The following TPTE2 variants were observed in gnomAD, a reference collection of about 807,000 sequenced individuals.
The protein encoded by TPTE2 is transmembrane phosphoinositide 3-phosphatase and tensin homolog 2, also known as phosphatidylinositol 3,4,5-trisphosphate 3-phosphatase TPTE2.
Under a neutral mutation model 78.6 loss-of-function variants are expected in TPTE2, and 53 were observed. The observed-to-expected ratio is 0.67, with a 90% CI of 0.54 to 0.85. TPTE2 has a LOEUF of 0.85. Among genes scored for constraint, TPTE2 ranks in the 40% least tolerant of loss-of-function variants. The pLI is 0.00. For synonymous variants in TPTE2, 175 were observed against 206.2 expected, an observed-to-expected ratio of 0.85 and a Z score of 1.30; for missense variants, 461 against 623.0, an observed-to-expected ratio of 0.74 and a Z score of 2.77.
At chr13:19,449,379 G>A (rs1325051618) in intron 13 of TPTE2, among the ~76,000 whole-genome samples, 3 of 152,034 alleles carry the variant, frequency 2.0e-5, no homozygotes, top group Non-Finnish European at 4.4e-5. Flanking sequence ...TTCACCATGT[G>A]ATCCACCTGC....
chr13:19,480,304 A>AGG (rs1880268362), intron 4 of TPTE2, among the ~76,000 whole-genome samples: 1 of 152,164 alleles, frequency 6.6e-6, no homozygotes, highest in Non-Finnish European at 1.5e-5. Flanking sequence ...AGGACAATAT[A>AGG]GGGGGATGAC....
chr13:19,538,222 C>A (rs1236214586), upstream of TPTE2, among the ~76,000 whole-genome samples: 1 of 150,408 alleles, frequency 6.6e-6, no homozygotes, highest in Admixed American at 6.6e-5. Context: ...TTGCTTCAAA[C>A]TTTTTTTTTT....
intron 13 of TPTE2, among the ~76,000 whole-genome samples, chr13:19,443,150 A>C (rs1477135488): frequency 6.6e-6 from 1 of 152,042 alleles, no homozygotes; most frequent in Non-Finnish European, 1.5e-5. Flanking sequence ...ATCTGGCAAT[A>C]TAATAATAAA....
At chr13:19,488,260 T>C (rs977776180) in intron 3 of TPTE2, among the ~76,000 whole-genome samples, 2 of 152,218 alleles carry the variant, frequency 1.3e-5, no homozygotes, top group African/African-American at 4.8e-5. Context: ...GTAAGGGCCC[T>C]AGGATTTTCG....
At chr13:19,541,913 C>T in the TPTE2 span, among the ~76,000 whole-genome samples, 3 of 151,870 alleles carry the variant, frequency 2.0e-5, no homozygotes, top group Non-Finnish European at 2.9e-5. Context: ...TTATTTTTTT[C>T]CTGAATGTTC....
chr13:19,523,228 G>A (rs1870280862), intron 1 of TPTE2, among the ~76,000 whole-genome samples: 1 of 152,076 alleles, frequency 6.6e-6, no homozygotes, highest in Non-Finnish European at 1.5e-5. Context: ...GGTTTTCAAG[G>A]CTACCATGGA....
chr13:19,454,340 CT>C (rs368725312), intron 10 of TPTE2, among the ~76,000 whole-genome samples: 221 of 152,288 alleles, frequency 1.5e-3, no homozygotes, highest in African/African-American at 5.1e-3. Flanking sequence ...AATCTTCTCC[CT>C]TTTAGTCAAC....
the TPTE2 span, among the ~76,000 whole-genome samples, chr13:19,554,485 T>TTA: frequency 1.5e-4 from 23 of 151,582 alleles, no homozygotes; most frequent in Middle Eastern, 3.4e-3. Context: ...GTATCCCATT[T>TTA]TATATATATA....
At chr13:19,489,882 A>G (rs1475374584) in intron 3 of TPTE2, among the ~76,000 whole-genome samples, 1 of 152,042 alleles carries the variant, frequency 6.6e-6, no homozygotes, top group Admixed American at 6.6e-5. Flanking sequence ...GTGAAAGACT[A>G]CTGATGTCAT....
At chr13:19,515,634 C>T (rs536095666) in intron 1 of TPTE2, among the ~76,000 whole-genome samples, 1 of 152,216 alleles carries the variant, frequency 6.6e-6, no homozygotes, top group Admixed American at 6.5e-5. Flanking sequence ...AAAACAATAC[C>T]TTTTACAAGA....
At chr13:19,551,312 G>A in the TPTE2 span, among the ~76,000 whole-genome samples, 2 of 152,166 alleles carry the variant, frequency 1.3e-5, no homozygotes, top group South Asian at 2.1e-4. Flanking sequence ...TATACAGGCC[G>A]GGTATGGTGG....
chr13:19,527,241 T>C (rs1870562647), intron 1 of TPTE2, among the ~76,000 whole-genome samples: 1 of 152,228 alleles, frequency 6.6e-6, no homozygotes, highest in South Asian at 2.1e-4. Context: ...TCTAATGTTC[T>C]ATAGCAGAGT....
chr13:19,468,166 G>A (rs1235029647), intron 6 of TPTE2, among the ~76,000 whole-genome samples: 2 of 147,264 alleles, frequency 1.4e-5, no homozygotes, highest in Admixed American at 6.9e-5. Context: ...TCAGCCTCAC[G>A]AGTAGCTGGG....
intron 1 of TPTE2, among the ~76,000 whole-genome samples, chr13:19,509,643 C>T (rs1446561038): frequency 6.6e-6 from 1 of 152,124 alleles, no homozygotes; most frequent in African/African-American, 2.4e-5. Flanking sequence ...CCAAACACCA[C>T]AGGGCCCACA....
upstream of TPTE2, among the ~76,000 whole-genome samples, chr13:19,540,310 G>GTTATTATT (rs1555258427): frequency 7.0e-6 from 1 of 143,226 alleles, no homozygotes; most frequent in African/African-American, 2.8e-5. Context: ...TTATTATTAT[G>GTTATTATT]GTTTTTTTTA....
At chr13:19,540,578 T>G (rs1336399212), upstream of TPTE2, among the ~76,000 whole-genome samples, 1 of 152,112 alleles carries the variant, frequency 6.6e-6, no homozygotes, top group Admixed American at 6.5e-5. Flanking sequence ...GTGCTGGGAT[T>G]ACAGTCATGA....
chr13:19,495,409 C>T (rs1223357313), intron 1 of TPTE2, among the ~76,000 whole-genome samples: 1 of 152,210 alleles, frequency 6.6e-6, no homozygotes, highest in Admixed American at 6.5e-5. Flanking sequence ...CCTTGGTCCA[C>T]ACTACTAGCA....
intron 1 of TPTE2, among the ~76,000 whole-genome samples, chr13:19,497,964 C>T (rs376840821): frequency 1.8e-4 from 27 of 151,616 alleles, no homozygotes; most frequent in African/African-American, 4.1e-4. Flanking sequence ...AAGGAGCTGA[C>T]GGAGCTGAAA....
In TPTE2 at chr13:19,459,450, C is replaced by G. The variant is rs149489234; in HGVS notation, c.741+5006G>C. Among the ~76,000 whole-genome samples the G allele has an allele frequency of 1.9e-3, 292 of 152,280 alleles. 2 individuals are homozygous for G. Among genetic ancestry groups the G allele is most frequent in the African/African-American group, 6.6e-3 (273 of 41,578 alleles). On this transcript the variant is annotated intron_variant, in intron 10 of 19. Transcript: ENST00000400230. ...GGCTGGAGACCCCCGTTGGGCATTCCCACCATCAGGAGGCATTGGATCAGG... is the reference window on the plus strand; with the variant it reads ...GGCTGGAGACCCCCGTTGGGCATTCGCACCATCAGGAGGCATTGGATCAGG...
Sources: gnomAD v4.1 joint callset for allele counts (sites outside exome capture counted in the v4.1 genomes callset) on GRCh38, gnomAD v4.1.1 for gene constraint, MANE v1.5 for transcripts, NCBI Gene and HGNC (gene_info 2026-07-23, HGNC 2026-07-21) for gene names.